The following NOL10 variants were observed in gnomAD, a reference collection of about 807,000 sequenced individuals.
The protein encoded by NOL10 is H_NH0074G24.1.
Under a neutral mutation model 103.5 loss-of-function variants are expected in NOL10, and 58 were observed. That is an observed-to-expected ratio of 0.56 (90% CI 0.45 to 0.70). NOL10 has a LOEUF of 0.70. Among genes scored for constraint, NOL10 ranks in the 30% least tolerant of loss-of-function variants. The pLI is 0.00. For synonymous variants in NOL10, 287 were observed against 282.5 expected, an observed-to-expected ratio of 1.02 and a Z score of -0.16; for missense variants, 763 against 807.3, an observed-to-expected ratio of 0.95 and a Z score of 0.67.
intron 13 of NOL10, among the ~76,000 whole-genome samples, chr2:10,610,417 T>A (rs547020600): frequency 3.3e-5 from 5 of 152,196 alleles, no homozygotes; most frequent in African/African-American, 4.8e-5. Context: ...TGGTAAATAA[T>A]CTCTGCAATC....
Position 10,587,220 on chromosome 2 carries a change from T to C in NOL10, c.1844+1823A>G, listed in dbSNP as rs1425384269. 2.9e-4 allele frequency among the ~76,000 whole-genome samples: 17 copies of C among 59,272 alleles called. 5 individuals are homozygous for C. The highest frequency in any genetic ancestry group is 1.8e-3 in the East Asian group (4 of 2,232). The allele number at this position is 59,272 out of a possible 152,430, so 38.9% of individuals were successfully genotyped here. ...ATATATATACACATATATATATACA[T>C]ATATATACATATATATATACATACA... On this transcript the variant is annotated intron_variant, in intron 19 of 20. Transcript: ENST00000381685.
At chr2:10,656,374 G>C (rs1434165743) in intron 11 of NOL10, among the ~76,000 whole-genome samples, 1 of 152,106 alleles carries the variant, frequency 6.6e-6, no homozygotes, top group Non-Finnish European at 1.5e-5. Flanking sequence ...GCAATCATCA[G>C]GGCAATTCTT....
intron 2 of NOL10, among the ~76,000 whole-genome samples, chr2:10,684,217 A>C (rs192785025): frequency 7.9e-5 from 12 of 151,714 alleles, no homozygotes; most frequent in Admixed American, 7.3e-4. Context: ...TGGAGGTTGC[A>C]GTGAGCCGAG....
chr2:10,581,359 C>T (rs923718175), intron 19 of NOL10, among the ~76,000 whole-genome samples: 6 of 151,866 alleles, frequency 4.0e-5, no homozygotes, highest in South Asian at 2.1e-4. Context: ...CACACATTTG[C>T]GACTGTGAAA....
intron 14 of NOL10, among the ~76,000 whole-genome samples, chr2:10,606,226 CTTT>C (rs58301569): frequency 3.3e-4 from 50 of 149,498 alleles, no homozygotes; most frequent in African/African-American, 8.6e-4. Flanking sequence ...GTACATTTAT[CTTT>C]TTTTTTTTTT....
rs184760608 is a variant in NOL10, at chr2:10,668,290, C to T, written c.530+368G>A. Among the ~76,000 whole-genome samples the T allele has an allele frequency of 2.1e-3, 316 of 152,016 alleles. 2 individuals carry two copies. The highest frequency in any genetic ancestry group is 6.7e-3 in the African/African-American group (279 of 41,460). On this transcript the variant is annotated intron_variant, in intron 7 of 20. Coordinates refer to ENST00000381685, the MANE Select transcript of NOL10 (RefSeq NM_024894.4). ...GAAACCTTTAAAAACCTTAAATGTC[C>T]GCTAGCAGAGCATAAAAATTTAAAA...
At chr2:10,635,156 A>G (rs938565842) in intron 13 of NOL10, among the ~76,000 whole-genome samples, 3 of 152,236 alleles carry the variant, frequency 2.0e-5, no homozygotes, top group Non-Finnish European at 4.4e-5. Flanking sequence ...GTAATTTTAT[A>G]CCTTTAAACA....
At chr2:10,608,677 G>T (rs1295447560) in intron 13 of NOL10, among the ~76,000 whole-genome samples, 1 of 152,118 alleles carries the variant, frequency 6.6e-6, no homozygotes, top group East Asian at 1.9e-4. Flanking sequence ...AAGGCAGAAG[G>T]AAGAGAATTA....
chr2:10,677,871 G>GTGTGTGTGTGTGTGTGTA (rs201387297), intron 3 of NOL10, among the ~76,000 whole-genome samples: 8 of 146,010 alleles, frequency 5.5e-5, no homozygotes, highest in South Asian at 2.2e-4. Flanking sequence ...GTGTGTGTGT[G>GTGTGTGTGTGTGTGTGTA]TATACACATA....
intron 19 of NOL10, among the ~76,000 whole-genome samples, chr2:10,581,964 G>A (rs774657386): frequency 3.3e-5 from 5 of 152,154 alleles, no homozygotes; most frequent in Admixed American, 6.6e-5. Flanking sequence ...CCTCAGGGAG[G>A]GAGGTGGGGG....
In NOL10 at chr2:10,589,759, G is replaced by A. The variant is rs1304777247; in HGVS notation, c.1423-8C>T. 4 of 1,464,088 alleles carry A rather than the reference G, an allele frequency of 2.7e-6. No individual in the cohort carries two copies. The highest frequency in any genetic ancestry group is 3.6e-6 in the Non-Finnish European group (4 of 1,106,838). The allele number at this position is 1,464,088 out of a possible 1,614,324, so 90.7% of individuals were successfully genotyped here. ...GAGAATATTAGGAAGACTCTACAAGGAGGAAAAAGTACGTAAAAATTTAAG... is the reference window on the plus strand; with the variant it reads ...GAGAATATTAGGAAGACTCTACAAGAAGGAAAAAGTACGTAAAAATTTAAG... On this transcript the variant is annotated splice_polypyrimidine_tract_variant and splice_region_variant and intron_variant, in intron 17 of 20. Coordinates refer to ENST00000381685, the MANE Select transcript of NOL10 (RefSeq NM_024894.4).
At chr2:10,624,364 C>T (rs1247097460) in intron 13 of NOL10, among the ~76,000 whole-genome samples, 1 of 151,710 alleles carries the variant, frequency 6.6e-6, no homozygotes, top group Non-Finnish European at 1.5e-5. Flanking sequence ...CAGAAAAGGA[C>T]CTATCAGCCC....
chr2:10,665,829 A>G (rs1259585645), intron 8 of NOL10, among the ~76,000 whole-genome samples: 1 of 152,258 alleles, frequency 6.6e-6, no homozygotes, highest in Non-Finnish European at 1.5e-5. Context: ...GTTTTACATA[A>G]TATCTGTCAG....
At chr2:10,638,976 T>A (rs1239152007) in intron 13 of NOL10, among the ~76,000 whole-genome samples, 1 of 151,654 alleles carries the variant, frequency 6.6e-6, no homozygotes, top group Non-Finnish European at 1.5e-5. Flanking sequence ...TTAATTTTTG[T>A]ACTTTCAGTA....
chr2:10,627,698 A>C (rs1010673443), intron 13 of NOL10, among the ~76,000 whole-genome samples: 5 of 145,424 alleles, frequency 3.4e-5, no homozygotes, highest in African/African-American at 1.3e-4. Flanking sequence ...AAACAAACAA[A>C]CAAAAAAAAA....
Position 10,662,959 on chromosome 2 carries a change from T to C in NOL10, c.677A>G (p.Glu226Gly). The C allele has an allele frequency of 1.2e-6, 2 of 1,611,314 alleles. No individual in the cohort carries two copies. The highest frequency in any genetic ancestry group is 8.5e-7 in the Non-Finnish European group (1 of 1,177,500). ...CALNSVTADS[E>G]INSLPTISAL... ...ACATTGCAAATTAATTTCTACTTACTCTGAATCTGCTGTGACACTGTTTAA... is the reference window on the plus strand; with the variant it reads ...ACATTGCAAATTAATTTCTACTTACCCTGAATCTGCTGTGACACTGTTTAA... Residue 226 changes from glutamate to glycine, a missense_variant and splice_region_variant, in exon 9 of 21, where the codon GAG becomes GGG. By Grantham distance (98) the Glu-to-Gly change is moderately conservative. Coordinates refer to ENST00000381685, the MANE Select transcript of NOL10 (RefSeq NM_024894.4).
At chr2:10,578,157 T>C (rs1490951818) in intron 19 of NOL10, among the ~76,000 whole-genome samples, 2 of 152,222 alleles carry the variant, frequency 1.3e-5, no homozygotes, top group Non-Finnish European at 2.9e-5. Flanking sequence ...GTGAGTAATT[T>C]GGCCACTCGT....
At chr2:10,671,116 T>C (rs965477458) in intron 6 of NOL10, among the ~76,000 whole-genome samples, 9 of 152,170 alleles carry the variant, frequency 5.9e-5, no homozygotes, top group African/African-American at 1.7e-4. Flanking sequence ...AGTGATCAGA[T>C]AGAAACTGAT....
chr2:10,614,485 G>A (rs1275624348), intron 13 of NOL10, among the ~76,000 whole-genome samples: 2 of 152,146 alleles, frequency 1.3e-5, no homozygotes, highest in Non-Finnish European at 2.9e-5. Flanking sequence ...TATGTATGCT[G>A]TATATAACAA....
Sources: gnomAD v4.1 joint callset for allele counts (sites outside exome capture counted in the v4.1 genomes callset) on GRCh38, gnomAD v4.1.1 for gene constraint, MANE v1.5 for transcripts, NCBI Gene and HGNC (gene_info 2026-07-23, HGNC 2026-07-21) for gene names.